Variants in DRG1 observed in about 807,000 individuals in gnomAD.
The protein encoded by DRG1 is developmentally-regulated GTP-binding protein 1.
In DRG1, 19 loss-of-function variants were observed where a neutral mutation model predicts 38.8. The observed-to-expected ratio is 0.49, with a 90% CI of 0.34 to 0.72. The LOEUF is 0.72. Among genes scored for constraint, DRG1 ranks in the 30% least tolerant of loss-of-function variants. DRG1 has a pLI of 0.01. For missense variants in DRG1, 299 were observed against 444.8 expected, an observed-to-expected ratio of 0.67 and a Z score of 2.95; for synonymous variants, 167 against 157.5, an observed-to-expected ratio of 1.06 and a Z score of -0.45.
intron 5 of DRG1, among the ~76,000 whole-genome samples, chr22:31,422,657 G>T (rs566405099): frequency 1.3e-5 from 2 of 152,284 alleles, no homozygotes; most frequent in African/African-American, 4.8e-5. Flanking sequence ...ATAGGTTTCA[G>T]CTGTCCTGCC....
intron 8 of DRG1, among the ~76,000 whole-genome samples, chr22:31,431,491 C>T (rs1487156214): frequency 1.3e-5 from 2 of 151,990 alleles, no homozygotes; most frequent in African/African-American, 4.8e-5. Context: ...ATAGTGAGAC[C>T]CCGTTTTTAT....
chr22:31,403,695 G>A (rs375187998), intron 3 of DRG1, among the ~76,000 whole-genome samples: 7 of 151,966 alleles, frequency 4.6e-5, no homozygotes, highest in African/African-American at 1.7e-4. Context: ...TGCTGGTCAG[G>A]CTGGTCTCGA....
intron 6 of DRG1, among the ~76,000 whole-genome samples, chr22:31,424,655 C>T (rs1273758045): frequency 2.0e-5 from 3 of 151,330 alleles, no homozygotes; most frequent in African/African-American, 4.9e-5. Context: ...CCTGCCACTA[C>T]ATCTGGCTAA....
intron 3 of DRG1, among the ~76,000 whole-genome samples, chr22:31,410,428 T>G (rs1216298316): frequency 6.6e-6 from 1 of 151,288 alleles, no homozygotes; most frequent in African/African-American, 2.4e-5. Flanking sequence ...GCACTCCAGC[T>G]TGGGCGGCAG....
intron 4 of DRG1, 146 bp downstream of exon 4, chr22:31,411,227 G>C (rs2050016457): frequency 3.8e-6 from 3 of 782,140 alleles, no homozygotes; most frequent in South Asian, 3.4e-5. Flanking sequence ...AGCTTGAAGG[G>C]ACCTCAGCTG....
chr22:31,400,418 A>T (rs2049954547), intron 1 of DRG1, among the ~76,000 whole-genome samples: 1 of 152,078 alleles, frequency 6.6e-6, no homozygotes, highest in Non-Finnish European at 1.5e-5. Context: ...GAATGACCTT[A>T]ATCGTCTTTC....
intron 3 of DRG1, among the ~76,000 whole-genome samples, chr22:31,403,438 C>G (rs1052871653): frequency 6.6e-6 from 1 of 151,960 alleles, no homozygotes; most frequent in African/African-American, 2.4e-5. Flanking sequence ...GAAGCCAAGG[C>G]GGGCAGATCA....
intron 3 of DRG1, among the ~76,000 whole-genome samples, chr22:31,407,836 T>G (rs1457271247): frequency 6.6e-6 from 1 of 151,732 alleles, no homozygotes; most frequent in East Asian, 1.9e-4. Flanking sequence ...TAAATTATGT[T>G]TTGGTCAGGC....
At chr22:31,423,221 A>C (rs940997325) in intron 5 of DRG1, 59 bp from the exon 6 acceptor site, 9 of 1,601,328 alleles carry the variant, frequency 5.6e-6, no homozygotes, top group Non-Finnish European at 7.7e-6. Context: ...ATATTGGTAC[A>C]CTTGACAAGT....
At chr22:31,430,884 A>T (rs532043418) in intron 8 of DRG1, among the ~76,000 whole-genome samples, 1 of 148,904 alleles carries the variant, frequency 6.7e-6, no homozygotes, top group Non-Finnish European at 1.5e-5. Flanking sequence ...TGCCCAGCAA[A>T]TTTTTTTTTT....
At chr22:31,423,863 CTTT>C (rs71202076) in intron 6 of DRG1, among the ~76,000 whole-genome samples, 71 of 119,248 alleles carry the variant, frequency 6.0e-4, no homozygotes, top group Admixed American at 9.3e-4. Flanking sequence ...GCTTTGGTTT[CTTT>C]TTTTTTTTTT....
Position 31,399,711 on chromosome 22 carries a change from G to A in DRG1, c.28G>A (p.Glu10Lys), listed in dbSNP as rs1254465213. 6.2e-7 allele frequency: 1 copy of A among 1,614,008 alleles called. No individual in the cohort carries two copies. Among genetic ancestry groups the A allele is most frequent in the Non-Finnish European group, 8.5e-7 (1 of 1,179,876 alleles). Residue 10 changes from glutamate to lysine, a missense_variant, in exon 1 of 9, where the codon GAG becomes AAG. Transcript: ENST00000331457. Reference sequence around the variant, plus strand: ...GAGCAGCACCTTAGCTAAGATCGCGGAGATAGAAGCAGAGGTAATGGACGC... The same window carrying A: ...GAGCAGCACCTTAGCTAAGATCGCGAAGATAGAAGCAGAGGTAATGGACGC... MSSTLAKIA[E>K]IEAEMARTQK... is the part of the protein sequence containing the mutation.
chr22:31,421,674 C>T (rs2050077865), intron 5 of DRG1, among the ~76,000 whole-genome samples: 1 of 151,464 alleles, frequency 6.6e-6, no homozygotes, highest in Admixed American at 6.6e-5. Flanking sequence ...GAGTTCAAGA[C>T]CAGCTTGGGC....
intron 4 of DRG1, among the ~76,000 whole-genome samples, chr22:31,414,221 TG>T (rs2050032714): frequency 6.6e-6 from 1 of 152,208 alleles, no homozygotes; most frequent in South Asian, 2.1e-4. Context: ...TTTAAATGTC[TG>T]GATCTATATT....
intron 4 of DRG1, among the ~76,000 whole-genome samples, chr22:31,415,357 G>A (rs926460995): frequency 6.6e-6 from 1 of 152,094 alleles, no homozygotes; most frequent in South Asian, 2.1e-4. Context: ...ACTTTTATTG[G>A]ATACCACTGC....
chr22:31,419,337 A>C lies in DRG1; in HGVS notation c.413-919A>C, dbSNP rs141557431. Among the ~76,000 whole-genome samples the C allele has an allele frequency of 1.9e-3, 280 of 151,094 alleles. 4 individuals are homozygous for C. Among genetic ancestry groups the C allele is most frequent in the Admixed American group, 0.015 (220 of 15,170 alleles). Reference sequence around the variant, plus strand: ...AAATATATATTAATAAAAATAAGATATGCAGGCACAAAAGACTACTTTTTT... The same window carrying C: ...AAATATATATTAATAAAAATAAGATCTGCAGGCACAAAAGACTACTTTTTT... On this transcript the variant is annotated intron_variant, in intron 4 of 8. Transcript: ENST00000331457.
At chr22:31,433,334 G>A (rs1299411666) in intron 8 of DRG1, among the ~76,000 whole-genome samples, 2 of 144,962 alleles carry the variant, frequency 1.4e-5, no homozygotes, top group Non-Finnish European at 3.0e-5. Context: ...GCAACGGCAT[G>A]ATCTTGGCTC....
intron 4 of DRG1, among the ~76,000 whole-genome samples, chr22:31,412,062 C>T (rs548797521): frequency 7.9e-5 from 12 of 151,722 alleles, no homozygotes; most frequent in Admixed American, 1.3e-4. Context: ...GAGGCCGAGA[C>T]GGGCAAATCA....
chr22:31,408,980 G>C (rs760646015), intron 3 of DRG1, among the ~76,000 whole-genome samples: 3 of 151,912 alleles, frequency 2.0e-5, no homozygotes, highest in Non-Finnish European at 4.4e-5. Context: ...TGTGGGGTTG[G>C]TTTTTCAATC....
Sources: gnomAD v4.1 joint callset for allele counts (sites outside exome capture counted in the v4.1 genomes callset) on GRCh38, gnomAD v4.1.1 for gene constraint, MANE v1.5 for transcripts, NCBI Gene and HGNC (gene_info 2026-07-23, HGNC 2026-07-21) for gene names.